Variants in ZNF131 observed in about 807,000 individuals in gnomAD.
ZNF131 encodes zinc finger protein 131.
A neutral mutation model predicts 60.0 loss-of-function variants in ZNF131; 7 were observed. That is an observed-to-expected ratio of 0.12 (90% CI 0.07 to 0.22). The LOEUF is 0.22. ZNF131 is among the 10% of genes least tolerant of loss of function. The pLI, the probability that ZNF131 is intolerant of heterozygous loss-of-function variation, is 1.00. For missense variants in ZNF131, 493 were observed against 740.9 expected, an observed-to-expected ratio of 0.67 and a Z score of 3.88; for synonymous variants, 257 against 253.2, an observed-to-expected ratio of 1.01 and a Z score of -0.14.
intron 3 of ZNF131, among the ~76,000 whole-genome samples, chr5:43,127,068 T>G (rs1744647312): frequency 6.6e-6 from 1 of 152,182 alleles, no homozygotes; most frequent in Non-Finnish European, 1.5e-5. Flanking sequence ...TGCTTCAAAT[T>G]ACTTTTCAGA....
At chr5:43,136,621 ATT>A (rs201838288) in intron 3 of ZNF131, among the ~76,000 whole-genome samples, 1 of 120,868 alleles carries the variant, frequency 8.3e-6, no homozygotes, top group South Asian at 3.0e-4. Context: ...CCCCCATCTA[ATT>A]TTTTTCTTTT....
intron 5 of ZNF131, among the ~76,000 whole-genome samples, 162 bp downstream of exon 5, chr5:43,162,093 T>G (rs780123464): frequency 2.0e-5 from 3 of 152,208 alleles, no homozygotes; most frequent in Middle Eastern, 3.2e-3. Context: ...TGTTCAAATA[T>G]TGGTGCTTTA....
chr5:43,147,562 C>A (rs71590636), intron 4 of ZNF131, among the ~76,000 whole-genome samples: 1 of 150,894 alleles, frequency 6.6e-6, no homozygotes, highest in Non-Finnish European at 1.5e-5. Flanking sequence ...GGACTACAGG[C>A]GCCTGCCACC....
At chr5:43,128,655 TC>T (rs1264447587) in intron 3 of ZNF131, among the ~76,000 whole-genome samples, 682 of 38,758 alleles carry the variant, frequency 0.018, 7 homozygotes, top group African/African-American at 0.053. Context: ...AGACTCCATC[TC>T]AAAAAAAAAA....
chr5:43,161,985 TA>T (rs1352690588), intron 5 of ZNF131, 54 bp downstream of exon 5: 1 of 1,473,882 alleles, frequency 6.8e-7, no homozygotes, highest in African/African-American at 1.4e-5. Context: ...ACTTCAAATT[TA>T]AGTATCTAAA....
intron 3 of ZNF131, among the ~76,000 whole-genome samples, chr5:43,137,637 G>T (rs1025767532): frequency 6.6e-6 from 1 of 151,540 alleles, no homozygotes; most frequent in Admixed American, 6.6e-5. Flanking sequence ...CTTGCACAAT[G>T]TTGGCAGGAA....
intron 5 of ZNF131, among the ~76,000 whole-genome samples, chr5:43,169,926 G>A (rs1370374493): frequency 1.8e-4 from 27 of 151,948 alleles, no homozygotes; most frequent in Admixed American, 1.7e-3. Flanking sequence ...GAGTAGCTGG[G>A]CTTACAGGCA....
At chr5:43,128,972 C>T (rs556985282) in intron 3 of ZNF131, among the ~76,000 whole-genome samples, 1 of 152,202 alleles carries the variant, frequency 6.6e-6, no homozygotes, top group South Asian at 2.1e-4. Context: ...CACTCTGTTG[C>T]CCAGGTTGGG....
At chr5:43,168,801 A>G (rs1427931723) in intron 5 of ZNF131, among the ~76,000 whole-genome samples, 2 of 152,118 alleles carry the variant, frequency 1.3e-5, no homozygotes, top group African/African-American at 4.8e-5. Flanking sequence ...CGGAAAAGAG[A>G]GATTTGAGTA....
chr5:43,150,681 A>G (rs1320647257), intron 4 of ZNF131, among the ~76,000 whole-genome samples: 1 of 152,160 alleles, frequency 6.6e-6, no homozygotes, highest in Non-Finnish European at 1.5e-5. Context: ...AATCCCAGCT[A>G]CTCAGGAGGC....
intron 5 of ZNF131, among the ~76,000 whole-genome samples, chr5:43,170,437 A>G (rs1342120332): frequency 6.6e-6 from 1 of 152,174 alleles, no homozygotes; most frequent in East Asian, 1.9e-4. Context: ...ATTTACTCCT[A>G]CCTGCTGGTT....
intron 5 of ZNF131, among the ~76,000 whole-genome samples, chr5:43,166,805 AC>A (rs1184082188): frequency 6.7e-6 from 1 of 149,862 alleles, no homozygotes; most frequent in Admixed American, 6.6e-5. Context: ...CAGGCACCCA[AC>A]ACCAGGCCTG....
intron 5 of ZNF131, among the ~76,000 whole-genome samples, chr5:43,172,629 A>AAC (rs1554071086): frequency 6.6e-6 from 1 of 152,034 alleles, no homozygotes; most frequent in East Asian, 1.9e-4. Flanking sequence ...AAAAAAAAAA[A>AAC]AAACCCTAAT....
rs199838199 is a variant in ZNF131, at chr5:43,165,319, A to G, written c.1054+3388A>G. Among the ~76,000 whole-genome samples, 143 of 88,206 alleles carry G rather than the reference A, an allele frequency of 1.6e-3. 1 individual carries two copies. In the East Asian group the frequency reaches 0.072, roughly 45 times the overall value. The allele number at this position is 88,206 out of a possible 152,430, so 57.9% of individuals were successfully genotyped here. A position where few individuals can be genotyped will look rare whatever the true frequency, so the allele number is the denominator to read the frequency against. ...TTTGAGACCTCTCTCTTTGGCTTGC[A>G]GATGGCTAACCTGTGTCCTTACATG... is the stretch of plus-strand genomic sequence containing the variant. On this transcript the variant is annotated intron_variant, in intron 5 of 6. Transcript: ENST00000682664.
chr5:43,144,136 A>ATGGTCTCGATCTCC (rs1272744781), intron 4 of ZNF131, among the ~76,000 whole-genome samples: 2 of 144,762 alleles, frequency 1.4e-5, no homozygotes, highest in African/African-American at 5.1e-5. Context: ...GTTAGCCAGG[A>ATGGTCTCGATCTCC]TGGTCTCGAT....
intron 4 of ZNF131, among the ~76,000 whole-genome samples, chr5:43,157,294 C>T (rs371772617): frequency 5.0e-4 from 76 of 152,186 alleles, no homozygotes; most frequent in African/African-American, 1.8e-3. Context: ...ATTATGTTCT[C>T]CCCTCATCTC....
At chr5:43,128,929 TTTA>T (rs990343439) in intron 3 of ZNF131, among the ~76,000 whole-genome samples, 38 of 152,086 alleles carry the variant, frequency 2.5e-4, no homozygotes, top group African/African-American at 8.2e-4. Flanking sequence ...TTATTTATTA[TTTA>T]TTATTATTAC....
intron 5 of ZNF131, among the ~76,000 whole-genome samples, chr5:43,171,313 A>G (rs1750962968): frequency 6.6e-6 from 1 of 152,118 alleles, no homozygotes; most frequent in African/African-American, 2.4e-5. Context: ...TCTGGATCCC[A>G]TGCCTTGATG....
chr5:43,175,226 G>C lies in ZNF131; in HGVS notation c.*93G>C. The C allele has an allele frequency of 7.9e-7, 1 of 1,260,972 alleles. No individual in the cohort carries two copies. The highest frequency in any genetic ancestry group is 1.1e-6 in the Non-Finnish European group (1 of 926,878). 78.1% of individuals were successfully genotyped at this position (1,260,972 alleles called of 1,614,324 possible). ...GTCCTTAATTAAGCCTAACAGACAA[G>C]TGGACCAAAGTTAAGCTGTTTCCTG... On this transcript the variant is annotated 3_prime_UTR_variant, in exon 7 of 7. Coordinates refer to ENST00000682664, the MANE Select transcript of ZNF131 (RefSeq NM_001330707.2).
Sources: allele counts gnomAD v4.1 joint callset (sites outside exome capture counted in the v4.1 genomes callset), GRCh38; gene constraint gnomAD v4.1.1; transcripts MANE v1.5; gene names NCBI Gene and HGNC (gene_info 2026-07-23, HGNC 2026-07-21).